Variants in FSTL5 observed in about 807,000 individuals in gnomAD.
The protein encoded by FSTL5 is follistatin like 5.
In FSTL5, 62 loss-of-function variants were observed where a neutral mutation model predicts 89.1. The ratio of observed to expected loss-of-function variants is 0.70; its 90% CI spans 0.57 to 0.86. FSTL5 has a LOEUF of 0.86. Ranked by LOEUF, FSTL5 falls within the 40% of genes least tolerant of loss-of-function variation. The pLI, the probability that FSTL5 is intolerant of heterozygous loss-of-function variation, is 0.00. For synonymous variants in FSTL5, 383 were observed against 346.2 expected (o/e 1.11, Z -1.18); for missense variants, 1,057 against 1,001.6 (o/e 1.06, Z -0.75).
At chr4:161,720,204 C>CAAAAAAAAA (rs34684242) in intron 6 of FSTL5, among the ~76,000 whole-genome samples, 1 of 142,050 alleles carries the variant, frequency 7.0e-6, no homozygotes. Context: ...AACACAATAG[C>CAAAAAAAAA]AAAAAAAAAA....
At chr4:161,806,897 C>T (rs1579106221) in intron 4 of FSTL5, among the ~76,000 whole-genome samples, 1 of 151,726 alleles carries the variant, frequency 6.6e-6, no homozygotes, top group Non-Finnish European at 1.5e-5. Context: ...GATAAATAGA[C>T]AGATAGATAG....
rs565608920 is a variant in FSTL5 at position 161,671,802 on chromosome 4, T to C, written c.728-15308A>G. 3.3e-5 allele frequency among the ~76,000 whole-genome samples: 5 copies of C among 152,282 alleles called. No homozygotes were observed. The South Asian group carries it at 6.2e-4, about 19-fold the overall frequency. ...ATGAAAGTAAGTCCTGTTTGTCTTGTCCAAATGGAATTTCTAGTCCGTGAC... is the reference window on the plus strand; with the variant it reads ...ATGAAAGTAAGTCCTGTTTGTCTTGCCCAAATGGAATTTCTAGTCCGTGAC... On this transcript the variant is annotated intron_variant, in intron 6 of 15. Coordinates refer to ENST00000306100, the MANE Select transcript of FSTL5 (RefSeq NM_020116.5).
rs111591165 is a variant in FSTL5, at chr4:162,045,769, T to C, written c.127-12111A>G. Among the ~76,000 whole-genome samples the C allele has an allele frequency of 2.3e-3, 353 of 152,296 alleles. 2 individuals carry two copies. Among genetic ancestry groups the C allele is most frequent in the African/African-American group, 7.7e-3 (319 of 41,570 alleles). On this transcript the variant is annotated intron_variant, in intron 2 of 15. Coordinates refer to ENST00000306100, the MANE Select transcript of FSTL5 (RefSeq NM_020116.5). ...TATAAAGAGGTATGCTTGTTGCTAA[T>C]AGGCCACTTTTCCAGTTATTAACTG...
chr4:161,430,919 C>A (rs1013028949), intron 15 of FSTL5, among the ~76,000 whole-genome samples: 1 of 151,586 alleles, frequency 6.6e-6, no homozygotes, highest in African/African-American at 2.4e-5. Flanking sequence ...TTTAATAGTG[C>A]TGAAGAAAAA....
At chr4:161,625,327 T>G (rs1560985002) in intron 7 of FSTL5, among the ~76,000 whole-genome samples, 1 of 152,140 alleles carries the variant, frequency 6.6e-6, no homozygotes, top group Non-Finnish European at 1.5e-5. Flanking sequence ...TGTGCTCACT[T>G]CATGTCTCTG....
chr4:161,404,624 T>C (rs1731294166), intron 15 of FSTL5, among the ~76,000 whole-genome samples: 2 of 150,704 alleles, frequency 1.3e-5, no homozygotes, highest in South Asian at 4.2e-4. Context: ...CACAAGCTGG[T>C]CAAAAGCTAA....
chr4:161,929,660 CGTGTGTGTGTGTGT>C (rs765281533), intron 3 of FSTL5, among the ~76,000 whole-genome samples: 1 of 126,844 alleles, frequency 7.9e-6, no homozygotes, highest in African/African-American at 3.0e-5. Context: ...TAGGTAGGCA[CGTGTGTGTGTGTGT>C]GTGTGTGTGT....
chr4:162,027,520 T>C (rs1737342471), intron 3 of FSTL5, among the ~76,000 whole-genome samples: 1 of 152,098 alleles, frequency 6.6e-6, no homozygotes, highest in African/African-American at 2.4e-5. Flanking sequence ...TTTACTATTT[T>C]TATTTCAAAA....
At chr4:161,403,156 C>T (rs1348432217) in intron 15 of FSTL5, among the ~76,000 whole-genome samples, 1 of 152,148 alleles carries the variant, frequency 6.6e-6, no homozygotes, top group Non-Finnish European at 1.5e-5. Flanking sequence ...TCATTACTAA[C>T]AGTCAAAATA....
chr4:162,005,768 T>C (rs74470533), intron 3 of FSTL5, among the ~76,000 whole-genome samples: 2 of 152,108 alleles, frequency 1.3e-5, no homozygotes, highest in African/African-American at 4.8e-5. Flanking sequence ...ATCCTCAGTA[T>C]GGACACTATG....
chr4:161,703,979 C>T (rs1284013830), intron 6 of FSTL5, among the ~76,000 whole-genome samples: 4 of 152,108 alleles, frequency 2.6e-5, no homozygotes, highest in Non-Finnish European at 4.4e-5. Context: ...AAAGACCCCA[C>T]TCTACATATT....
At chr4:162,062,798 T>C (rs1053557428) in intron 2 of FSTL5, among the ~76,000 whole-genome samples, 1 of 151,504 alleles carries the variant, frequency 6.6e-6, no homozygotes, top group Non-Finnish European at 1.5e-5. Context: ...TTCATTATAT[T>C]TTATTAAAAA....
intron 6 of FSTL5, among the ~76,000 whole-genome samples, chr4:161,684,556 T>C (rs1367659564): frequency 6.6e-6 from 1 of 152,210 alleles, no homozygotes; most frequent in Non-Finnish European, 1.5e-5. Context: ...TGTTGTCTAT[T>C]TGCATATCTT....
chr4:161,636,440 G>A (rs547452621), intron 7 of FSTL5, among the ~76,000 whole-genome samples: 54 of 145,156 alleles, frequency 3.7e-4, no homozygotes, highest in African/African-American at 1.2e-3. Flanking sequence ...TTGAATTCTG[G>A]CAGTTGTTTT....
chr4:161,391,278 G>A (rs1261799665), intron 15 of FSTL5, among the ~76,000 whole-genome samples: 7 of 152,154 alleles, frequency 4.6e-5, no homozygotes, highest in African/African-American at 1.4e-4. Context: ...ACATGATTAA[G>A]TGGTTAGTGT....
At chr4:161,393,945 G>A (rs1730912781) in intron 15 of FSTL5, among the ~76,000 whole-genome samples, 1 of 152,168 alleles carries the variant, frequency 6.6e-6, no homozygotes, top group South Asian at 2.1e-4. Context: ...TTTTGGGATG[G>A]AGGGCAAGGT....
Position 161,776,030 on chromosome 4 carries a change from G to T in FSTL5, c.454C>A (p.Leu152Ile), listed in dbSNP as rs765989975. 2 of 1,587,816 alleles carry T rather than the reference G, an allele frequency of 1.3e-6. No homozygotes were observed. Among genetic ancestry groups the T allele is most frequent in the Admixed American group, 1.7e-5 (1 of 58,162 alleles). ...TATTTTTGATTTTGTAAATCTAATA[G>T]CATATTTTTCATCTTGCTGTATTCA... ...TTEYSKMKNM[L>I]LDLQNQKYIM... Residue 152 changes from leucine (L) to isoleucine (I), a missense_variant, in exon 5 of 16, where the codon CTA (leucine) becomes ATA (isoleucine). Around this residue, in one of 3 missense-constraint regions of FSTL5, gnomAD observed 980 missense variants for 903.2 expected, o/e 1.08. Coordinates refer to ENST00000306100, the MANE Select transcript of FSTL5 (RefSeq NM_020116.5).
rs553853431 is a variant in FSTL5, at chr4:161,401,998, G to T, written c.1842-15549C>A. ...GATTTTAAATTTCTTATAATTATTAGATTTGATCTTTTCATTTAGCCAAAG... is the reference window on the plus strand; with the variant it reads ...GATTTTAAATTTCTTATAATTATTATATTTGATCTTTTCATTTAGCCAAAG... On this transcript the variant is annotated intron_variant, in intron 15 of 15. Coordinates refer to ENST00000306100, the MANE Select transcript of FSTL5 (RefSeq NM_020116.5). Among the ~76,000 whole-genome samples the T allele has an allele frequency of 2.8e-4, 42 of 151,782 alleles. 1 individual carries two copies. In the South Asian group the frequency reaches 8.8e-3, roughly 32 times the overall value.
rs765654217 is a variant in FSTL5, at chr4:161,920,529, C to A, written c.284G>T (p.Arg95Leu). 2 of 1,613,994 alleles carry A rather than the reference C, an allele frequency of 1.2e-6. No homozygotes were observed. Among genetic ancestry groups the A allele is most frequent in the South Asian group, 2.2e-5 (2 of 91,080 alleles). The change falls in exon 4 of 16, where the codon CGT becomes CTT. Residue 95 changes from arginine to leucine, a missense_variant. By Grantham distance (102) the Arg-to-Leu change is moderately radical. Coordinates refer to ENST00000306100, the MANE Select transcript of FSTL5 (RefSeq NM_020116.5). ...AGATCCACACACAGGTTTGTAGTGA[C>A]GTTTGCAAAGGTCCATACAGGCACA... The part of the protein sequence containing the change: ...AECACMDLCK[R>L]HYKPVCGSDG...
Sources: allele counts gnomAD v4.1 joint callset (sites outside exome capture counted in the v4.1 genomes callset), GRCh38; gene constraint gnomAD v4.1.1; regional missense constraint gnomAD v4.1.1; transcripts MANE v1.5; gene names NCBI Gene and HGNC (gene_info 2026-07-23, HGNC 2026-07-21).